Variants in CEP112 observed in about 807,000 individuals in gnomAD.
CEP112 encodes the protein centrosomal protein of 112 kDa.
In CEP112, 127 loss-of-function variants were observed where a neutral mutation model predicts 153.0. The ratio of observed to expected loss-of-function variants is 0.83; its 90% CI spans 0.72 to 0.96. CEP112 has a LOEUF of 0.96. CEP112 is among the 40% of genes least tolerant of loss of function. The probability of loss-of-function intolerance (pLI) is 0.00; values close to 1 mark genes in which losing one functional copy is unlikely to be tolerated. For missense variants in CEP112, 1,089 were observed against 1,101.2 expected (o/e 0.99, Z 0.16); for synonymous variants, 358 against 374.4 (o/e 0.96, Z 0.51).
At chr17:66,090,058 A>C (rs1437364660) in intron 8 of CEP112, among the ~76,000 whole-genome samples, 1 of 152,128 alleles carries the variant, frequency 6.6e-6, no homozygotes, top group Non-Finnish European at 1.5e-5. Flanking sequence ...AATAACTGCC[A>C]ACCAAGAATA....
intron 4 of CEP112, among the ~76,000 whole-genome samples, chr17:66,155,465 T>C (rs2071397771): frequency 6.6e-6 from 1 of 151,634 alleles, no homozygotes; most frequent in Admixed American, 6.6e-5. Flanking sequence ...ACTGGGTGGC[T>C]GTTTGGGCAG....
intron 19 of CEP112, among the ~76,000 whole-genome samples, chr17:65,909,734 G>T (rs760985067): frequency 2.6e-5 from 4 of 152,144 alleles, no homozygotes; most frequent in Admixed American, 1.3e-4. Context: ...AAGGAAAGAA[G>T]AATAATAACT....
In CEP112 at chr17:65,717,821, C is replaced by T. The variant is rs554128924; in HGVS notation, c.2607+25247G>A. Among the ~76,000 whole-genome samples the T allele has an allele frequency of 3.3e-5, 5 of 152,268 alleles. No homozygotes were observed. In the South Asian group the frequency reaches 1.0e-3, roughly 32 times the overall value. ...AAGGTGAAAATGTTTAAAAGGGTCC[C>T]TGACTTCTTGGCCAGGAAGAAATAA... is the stretch of plus-strand genomic sequence containing the variant. On this transcript the variant is annotated intron_variant, in intron 23 of 26. Transcript: ENST00000535342.
chr17:66,185,601 G>A (rs1253148945), intron 1 of CEP112, among the ~76,000 whole-genome samples: 1 of 152,100 alleles, frequency 6.6e-6, no homozygotes, highest in Non-Finnish European at 1.5e-5. Context: ...GAAAAACACT[G>A]AATACAAAGG....
intron 18 of CEP112, among the ~76,000 whole-genome samples, chr17:65,945,899 G>C (rs1299989659): frequency 6.6e-6 from 1 of 152,064 alleles, no homozygotes; most frequent in Non-Finnish European, 1.5e-5. Context: ...TGCCTGCCTC[G>C]GCCTCCCAAA....
chr17:65,649,422 T>C lies in CEP112; in HGVS notation c.2698-8357A>G, dbSNP rs75577651. 3.5e-4 allele frequency among the ~76,000 whole-genome samples: 53 copies of C among 151,812 alleles called. No homozygotes were observed. In the East Asian group the frequency reaches 0.01, roughly 30 times the overall value. ...GTAAGGGTGAAGCAGTTCAGGAAAA[T>C]AAGTGTGCATGAGGCCAGGTGTGGT... On this transcript the variant is annotated intron_variant, in intron 24 of 26. Coordinates refer to ENST00000535342, the MANE Select transcript of CEP112 (RefSeq NM_001199165.4).
At chr17:66,033,100 T>C (rs959269631) in intron 12 of CEP112, among the ~76,000 whole-genome samples, 1 of 152,028 alleles carries the variant, frequency 6.6e-6, no homozygotes, top group South Asian at 2.1e-4. Context: ...ATGGATGAGA[T>C]TGATTAAGGG....
chr17:66,152,858 A>T (rs2071267796), intron 4 of CEP112, among the ~76,000 whole-genome samples: 3 of 152,192 alleles, frequency 2.0e-5, no homozygotes. Flanking sequence ...TGGGTGTGTT[A>T]GGAGCAGATA....
At chr17:65,877,143 T>C (rs1194839238) in intron 20 of CEP112, among the ~76,000 whole-genome samples, 2 of 152,176 alleles carry the variant, frequency 1.3e-5, no homozygotes. Context: ...CTCTGTCTGA[T>C]TGCAGTCCAG....
intron 20 of CEP112, among the ~76,000 whole-genome samples, chr17:65,898,961 G>A (rs1053003286): frequency 9.9e-5 from 15 of 152,182 alleles, no homozygotes; most frequent in East Asian, 5.8e-4. Flanking sequence ...ACAAGTAAGG[G>A]ATCAAGGAAC....
At chr17:65,762,292 G>T (rs1402491740) in intron 21 of CEP112, among the ~76,000 whole-genome samples, 2 of 151,424 alleles carry the variant, frequency 1.3e-5, no homozygotes, top group South Asian at 2.1e-4. Context: ...TATTTTTTTT[G>T]ATCCATTTAC....
At chr17:66,134,524 C>T (rs991241959) in intron 4 of CEP112, among the ~76,000 whole-genome samples, 3 of 152,174 alleles carry the variant, frequency 2.0e-5, no homozygotes, top group Non-Finnish European at 2.9e-5. Context: ...TTTAAAGATG[C>T]TGCATTCAAT....
intron 4 of CEP112, among the ~76,000 whole-genome samples, chr17:66,134,638 G>A (rs2070355663): frequency 6.6e-6 from 1 of 152,130 alleles, no homozygotes; most frequent in African/African-American, 2.4e-5. Flanking sequence ...AGGAGTTTGA[G>A]ACCAGCCTGG....
At chr17:65,741,985 C>A (rs1598441303) in intron 23 of CEP112, among the ~76,000 whole-genome samples, 7 of 142,596 alleles carry the variant, frequency 4.9e-5, no homozygotes, top group African/African-American at 7.8e-5. Flanking sequence ...GGTGGAAATA[C>A]ATAGGAAAAA....
intron 19 of CEP112, among the ~76,000 whole-genome samples, chr17:65,924,991 C>T (rs1226527149): frequency 6.6e-6 from 1 of 152,134 alleles, no homozygotes; most frequent in East Asian, 1.9e-4. Flanking sequence ...ACTTCCATAC[C>T]TACACCGTCT....
At chr17:66,145,426 A>G (rs1333731337) in intron 4 of CEP112, among the ~76,000 whole-genome samples, 1 of 151,760 alleles carries the variant, frequency 6.6e-6, no homozygotes, top group Non-Finnish European at 1.5e-5. Flanking sequence ...GTGTTTTTTT[A>G]TATCTTATTT....
chr17:66,162,387 G>C (rs1349882628), intron 4 of CEP112, among the ~76,000 whole-genome samples: 3 of 152,070 alleles, frequency 2.0e-5, no homozygotes, highest in Non-Finnish European at 4.4e-5. Flanking sequence ...ATGTAAACTG[G>C]TACAGCCACT....
intron 20 of CEP112, among the ~76,000 whole-genome samples, chr17:65,890,139 AC>A (rs2143131411): frequency 6.6e-6 from 1 of 152,310 alleles, no homozygotes; most frequent in South Asian, 2.1e-4. Context: ...TTCTTTCTAT[AC>A]CCTAGTGAAC....
At chr17:65,945,167 C>T (rs1568272198) in intron 18 of CEP112, among the ~76,000 whole-genome samples, 1 of 152,146 alleles carries the variant, frequency 6.6e-6, no homozygotes, top group Admixed American at 6.5e-5. Flanking sequence ...TGATTTCGTT[C>T]AACTTTACAT....
Sources: allele counts gnomAD v4.1 joint callset (sites outside exome capture counted in the v4.1 genomes callset), GRCh38; gene constraint gnomAD v4.1.1; transcripts MANE v1.5; gene names NCBI Gene and HGNC (gene_info 2026-07-23, HGNC 2026-07-21).